The following LRMDA variants were observed in gnomAD, a reference collection of about 807,000 sequenced individuals.
The protein encoded by LRMDA is leucine rich melanocyte differentiation associated.
In LRMDA, 18 loss-of-function variants were observed where a neutral mutation model predicts 29.8. That is an observed-to-expected ratio of 0.60 (90% CI 0.42 to 0.90). LRMDA has a LOEUF of 0.90. LRMDA is among the 40% of genes least tolerant of loss of function. The probability of loss-of-function intolerance (pLI) is 0.00; values close to 1 mark genes in which losing one functional copy is unlikely to be tolerated. For synonymous variants in LRMDA, 125 were observed against 109.4 expected, an observed-to-expected ratio of 1.14 and a Z score of -0.89; for missense variants, 273 against 273.9, an observed-to-expected ratio of 1.00 and a Z score of 0.02.
At chr10:76,319,309 G>C (rs931559546) in intron 5 of LRMDA, 1 of 152,170 alleles carries the variant, frequency 6.6e-6, no homozygotes, top group Non-Finnish European at 1.5e-5. Context: ...TGAGCACAAG[G>C]GTTAATTGTA....
chr10:75,656,116 T>C (rs904830564), intron 2 of LRMDA, among the ~76,000 whole-genome samples: 3 of 152,260 alleles, frequency 2.0e-5, no homozygotes, highest in Non-Finnish European at 4.4e-5. Flanking sequence ...TCACATTCTA[T>C]CTCATTCCCA....
At chr10:75,862,997 T>C (rs1375828214) in intron 2 of LRMDA, among the ~76,000 whole-genome samples, 1 of 151,986 alleles carries the variant, frequency 6.6e-6, no homozygotes, top group Non-Finnish European at 1.5e-5. Context: ...TGGTCCTGGC[T>C]TATAAAAAAA....
At chr10:76,387,432 C>T (rs573607469) in intron 6 of LRMDA, among the ~76,000 whole-genome samples, 5 of 152,068 alleles carry the variant, frequency 3.3e-5, no homozygotes, top group African/African-American at 1.2e-4. Context: ...AAAACCCTGT[C>T]TCTGCAAAAA....
intron 2 of LRMDA, among the ~76,000 whole-genome samples, chr10:75,929,169 G>A (rs533014852): frequency 6.6e-6 from 1 of 152,236 alleles, no homozygotes; most frequent in East Asian, 1.9e-4. Context: ...ACTAGATACA[G>A]CACAAGGTAG....
intron 6 of LRMDA, among the ~76,000 whole-genome samples, chr10:76,482,850 G>C (rs904129384): frequency 1.3e-5 from 2 of 151,954 alleles, no homozygotes; most frequent in African/African-American, 4.8e-5. Flanking sequence ...CAATTCAGCA[G>C]CATATGAGAA....
chr10:76,447,217 C>A, intron 6 of LRMDA, among the ~76,000 whole-genome samples: 1 of 151,894 alleles, frequency 6.6e-6, no homozygotes, highest in East Asian at 1.9e-4. Context: ...CTTCTAGTTT[C>A]TATATTGATT....
intron 2 of LRMDA, among the ~76,000 whole-genome samples, chr10:75,884,016 A>G (rs1283380326): frequency 1.3e-5 from 2 of 151,786 alleles, no homozygotes; most frequent in African/African-American, 4.8e-5. Context: ...ACCTTCCATA[A>G]GCTGCTTTTG....
chr10:76,106,239 G>A lies in LRMDA; in HGVS notation c.516+47456G>A, dbSNP rs548378055. Among the ~76,000 whole-genome samples, 17 of 152,274 alleles carry A rather than the reference G, an allele frequency of 1.1e-4. No homozygotes were observed. The South Asian group carries it at 1.9e-3, about 17-fold the overall frequency. On this transcript the variant is annotated intron_variant, in intron 5 of 6. Coordinates refer to ENST00000611255, the MANE Select transcript of LRMDA (RefSeq NM_001305581.2). ...AATGCCTGTTAGTAAATGTGAGTACGTCTGACATTTAAGCAGTGTTCCAGT... is the reference window on the plus strand; with the variant it reads ...AATGCCTGTTAGTAAATGTGAGTACATCTGACATTTAAGCAGTGTTCCAGT...
intron 2 of LRMDA, among the ~76,000 whole-genome samples, chr10:75,599,025 G>A (rs964400775): frequency 1.3e-5 from 2 of 152,136 alleles, no homozygotes; most frequent in African/African-American, 4.8e-5. Flanking sequence ...CAAGGGAAGA[G>A]GCCAAGAAGG....
chr10:75,719,695 T>A (rs1842542785), intron 2 of LRMDA, among the ~76,000 whole-genome samples: 1 of 152,194 alleles, frequency 6.6e-6, no homozygotes, highest in African/African-American at 2.4e-5. Context: ...GATTGTGGGC[T>A]GAGGTAATGA....
At position 75,590,726 on chromosome 10, in the gene LRMDA, C is replaced by CTTT. The variant is rs67966004; in HGVS notation, c.131+152272_131+152274dup. On this transcript the variant is annotated intron_variant, in intron 2 of 6. Transcript: ENST00000611255. ...CTCCTAACTCTCACAATAAAATAGT[C>CTTT]TTTTTTTTTTTTTTTTTTTTTTTTT... Among the ~76,000 whole-genome samples, 184 of 71,382 alleles carry CTTT rather than the reference C, an allele frequency of 2.6e-3. 7 individuals are homozygous for CTTT. The highest frequency in any genetic ancestry group is 0.01 in the Middle Eastern group (1 of 98). The allele number at this position is 71,382 out of a possible 152,430, so 46.8% of individuals were successfully genotyped here. A position where few individuals can be genotyped will look rare whatever the true frequency, so the allele number is the denominator to read the frequency against.
At chr10:75,571,480 T>A (rs1223545082) in intron 2 of LRMDA, among the ~76,000 whole-genome samples, 2 of 152,170 alleles carry the variant, frequency 1.3e-5, no homozygotes, top group African/African-American at 4.8e-5. Flanking sequence ...AAAGCTGTGC[T>A]TTTGTTTGGA....
intron 2 of LRMDA, among the ~76,000 whole-genome samples, chr10:75,975,983 C>G (rs1342556895): frequency 2.6e-5 from 4 of 152,218 alleles, no homozygotes; most frequent in Non-Finnish European, 4.4e-5. Flanking sequence ...TCCTTTTCTT[C>G]TTTTCTTCCT....
chr10:76,390,227 T>C (rs1024766485), intron 6 of LRMDA, among the ~76,000 whole-genome samples: 2 of 152,192 alleles, frequency 1.3e-5, no homozygotes, highest in African/African-American at 4.8e-5. Context: ...TATCTCATTG[T>C]GGTTTTGATT....
intron 5 of LRMDA, among the ~76,000 whole-genome samples, chr10:76,074,056 T>A (rs1303175594): frequency 6.6e-6 from 1 of 152,170 alleles, no homozygotes; most frequent in Admixed American, 6.5e-5. Context: ...TTAATGCGGC[T>A]TTGGGGAGGA....
chr10:76,494,303 A>G (rs769572936), intron 6 of LRMDA, among the ~76,000 whole-genome samples: 1 of 149,698 alleles, frequency 6.7e-6, no homozygotes, highest in Non-Finnish European at 1.5e-5. Flanking sequence ...TTTAAAATAC[A>G]CGATACTACT....
At chr10:75,578,234 A>AAAAAAG (rs1840535624) in intron 2 of LRMDA, among the ~76,000 whole-genome samples, 1 of 147,578 alleles carries the variant, frequency 6.8e-6, no homozygotes, top group Non-Finnish European at 1.5e-5. Flanking sequence ...AAAAAAAAAA[A>AAAAAAG]AAAAAGCAGC....
intron 5 of LRMDA, among the ~76,000 whole-genome samples, chr10:76,206,248 C>A (rs952503554): frequency 2.0e-5 from 3 of 152,178 alleles, no homozygotes; most frequent in Non-Finnish European, 4.4e-5. Flanking sequence ...GTTGGAACCT[C>A]TTACGACGTT....
chr10:76,330,321 A>G (rs1840889375), intron 6 of LRMDA, among the ~76,000 whole-genome samples: 1 of 152,206 alleles, frequency 6.6e-6, no homozygotes, highest in Admixed American at 6.5e-5. Context: ...ATGTTGATGA[A>G]GAATGGACAG....
Sources: allele counts gnomAD v4.1 joint callset (sites outside exome capture counted in the v4.1 genomes callset), GRCh38; gene constraint gnomAD v4.1.1; transcripts MANE v1.5; gene names NCBI Gene and HGNC (gene_info 2026-07-23, HGNC 2026-07-21).